ZSCAN1: variants seen among roughly 807,000 people sequenced by gnomAD.
The protein encoded by ZSCAN1 is zinc finger and SCAN domain containing 1.
A neutral mutation model predicts 23.8 loss-of-function variants in ZSCAN1; 23 were observed. The observed-to-expected ratio is 0.97, with a 90% CI of 0.70 to 1.37. ZSCAN1 has a LOEUF of 1.37. Among genes scored for constraint, ZSCAN1 ranks in the 40% most tolerant of loss-of-function variants. The probability of loss-of-function intolerance (pLI) is 0.00; values close to 1 mark genes in which losing one functional copy is unlikely to be tolerated. For missense variants in ZSCAN1, 575 were observed against 554.0 expected (o/e 1.04, Z -0.38); for synonymous variants, 236 against 232.3 (o/e 1.02, Z -0.15).
intron 4 of ZSCAN1, among the ~76,000 whole-genome samples, chr19:58,050,766 G>C (rs148315261): frequency 2.0e-5 from 3 of 152,028 alleles, no homozygotes; most frequent in Non-Finnish European, 2.9e-5. Context: ...TCATCCTCCC[G>C]CTTCTGCCTC....
chr19:58,036,148 G>A (rs159873), intron 2 of ZSCAN1, 137 bp downstream of exon 2: 102,244 of 152,054 alleles, frequency 0.67, 34,691 homozygotes, highest in Non-Finnish European at 0.71. Flanking sequence ...TCTACTCCCC[G>A]TGGTCATGTC....
chr19:58,050,906 C>A (rs894601592), intron 4 of ZSCAN1, among the ~76,000 whole-genome samples: 3 of 152,176 alleles, frequency 2.0e-5, no homozygotes, highest in Non-Finnish European at 2.9e-5. Context: ...CGCCTCCAAT[C>A]TCCCCACCTG....
chr19:58,034,685 C>A (rs1297204119), intron 1 of ZSCAN1, among the ~76,000 whole-genome samples: 2 of 137,828 alleles, frequency 1.5e-5, no homozygotes, highest in South Asian at 2.5e-4. Flanking sequence ...ACAAGCTCCC[C>A]CTCCCCGCCC....
Position 58,046,494 on chromosome 19 carries a change from G to A in ZSCAN1, c.465+5950G>A, listed in dbSNP as rs180675650. The A allele has an allele frequency of 1.6e-3, 1,445 of 894,852 alleles. 12 individuals carry two copies. Among genetic ancestry groups the A allele is most frequent in the Non-Finnish European group, 3.6e-4 (188 of 522,510 alleles). The allele number at this position is 894,852 out of a possible 1,614,324, so 55.4% of individuals were successfully genotyped here. A position where few individuals can be genotyped will look rare whatever the true frequency, so the allele number is the denominator to read the frequency against. On this transcript the variant is annotated intron_variant, in intron 4 of 5. Transcript: ENST00000282326. ...CCCCGGCCAAGGGCGTGCCCATGGG[G>A]GAGAACGTCATCAGTGTTGCCGAGC... is the stretch of plus-strand genomic sequence containing the variant.
chr19:58,046,964 C>T (rs759516785), intron 4 of ZSCAN1, among the ~76,000 whole-genome samples: 3 of 152,236 alleles, frequency 2.0e-5, no homozygotes, highest in Non-Finnish European at 4.4e-5. Flanking sequence ...AATCCCTCCA[C>T]AGAATCCTGT....
chr19:58,051,998 G>C (rs368909418), intron 4 of ZSCAN1, among the ~76,000 whole-genome samples: 1 of 152,346 alleles, frequency 6.6e-6, no homozygotes, highest in East Asian at 1.9e-4. Context: ...GGTGGGATGT[G>C]AAGTCTGTGA....
chr19:58,044,254 A>T (rs950718911), intron 4 of ZSCAN1, among the ~76,000 whole-genome samples: 1 of 151,938 alleles, frequency 6.6e-6, no homozygotes, highest in East Asian at 2.0e-4. Flanking sequence ...CCCGAGCAAC[A>T]GGAGCGAAAC....
Position 58,046,227 on chromosome 19 carries a change from G to T in ZSCAN1, c.465+5683G>T, listed in dbSNP as rs966359446. 5.2e-6 allele frequency: 4 copies of T among 771,400 alleles called. No homozygotes were observed. The African/African-American group carries it at 6.8e-5, about 13-fold the overall frequency. The allele number at this position is 771,400 out of a possible 1,614,324, so 47.8% of individuals were successfully genotyped here. ...TCCTCAGCAATGCCTGCTCTAAGCT[G>T]CAGGAACAGAAGAAGTCACTCACCA... On this transcript the variant is annotated intron_variant, in intron 4 of 5. Coordinates refer to ENST00000282326, the MANE Select transcript of ZSCAN1 (RefSeq NM_182572.4).
rs926143203 is a variant in ZSCAN1 at position 58,040,690 on chromosome 19, G to A, written c.465+146G>A. The A allele has an allele frequency of 2.7e-6, 2 of 732,700 alleles. No homozygotes were observed. The highest frequency in any genetic ancestry group is 3.9e-4 in the Middle Eastern group (1 of 2,540). The allele number at this position is 732,700 out of a possible 1,614,324, so 45.4% of individuals were successfully genotyped here. ...AGCCCGGCCTCCAAACTCCCCGCCT[G>A]CCCCACAGATTCCCCAAGCTTCCTG... On this transcript the variant is annotated intron_variant, in intron 4 of 5. Transcript: ENST00000282326. The surrounding 1 kb of genome is among the most constrained non-coding windows in gnomAD (Gnocchi z 5.8).
chr19:58,042,637 G>T (rs2073798016), intron 4 of ZSCAN1, among the ~76,000 whole-genome samples: 1 of 152,176 alleles, frequency 6.6e-6, no homozygotes, highest in Non-Finnish European at 1.5e-5. Flanking sequence ...ATCTAACGGA[G>T]GCATCTAACC....
At chr19:58,043,577 C>CCA (rs1568603563) in intron 4 of ZSCAN1, among the ~76,000 whole-genome samples, 4 of 152,250 alleles carry the variant, frequency 2.6e-5, no homozygotes, top group African/African-American at 9.6e-5. Context: ...AAACATGGTG[C>CCA]ACTTAGGCTA....
chr19:58,034,621 C>T (rs958302763), intron 1 of ZSCAN1, among the ~76,000 whole-genome samples: 25 of 150,480 alleles, frequency 1.7e-4, no homozygotes, highest in East Asian at 1.0e-3. Flanking sequence ...CCCTACCCGG[C>T]CCCTTGGGCC....
downstream of ZSCAN1, among the ~76,000 whole-genome samples, chr19:58,054,852 T>TC (rs565779438): frequency 6.7e-6 from 1 of 150,088 alleles, no homozygotes; most frequent in African/African-American, 2.5e-5. This position sits in a 1 kb window ranked among gnomAD's most constrained non-coding sequence, Gnocchi z 4.2. Context: ...ACAGAAGGAT[T>TC]TTTTTTTTAG....
chr19:58,038,149 A>G lies in ZSCAN1; in HGVS notation c.313A>G (p.Ser105Gly), dbSNP rs2073753985. ...CTGGGTGCAGTCACAGGGCCCCCGAAGCTGCAGGGAGGCCGCCAGCCTGGT... is the reference window on the plus strand; with the variant it reads ...CTGGGTGCAGTCACAGGGCCCCCGAGGCTGCAGGGAGGCCGCCAGCCTGGT... ...RTWVQSQGPR[S>G]CREAASLVED... Residue 105 changes from serine to glycine, a missense_variant, in exon 3 of 6, where the codon AGC (serine) becomes GGC (glycine). Ser to Gly is a moderately conservative substitution (Grantham distance 56). Transcript: ENST00000282326. 2 of 1,609,216 alleles carry G rather than the reference A, an allele frequency of 1.2e-6. No homozygotes were observed. The highest frequency in any genetic ancestry group is 2.7e-5 in the African/African-American group (2 of 74,966).
Position 58,045,479 on chromosome 19 carries a change from GC to G in ZSCAN1, c.465+4938del, listed in dbSNP as rs1402017333. 12 of 1,305,542 alleles carry G rather than the reference GC, an allele frequency of 9.2e-6. No individual in the cohort carries two copies. Among genetic ancestry groups the G allele is most frequent in the Non-Finnish European group, 1.3e-5 (12 of 898,360 alleles). The allele number at this position is 1,305,542 out of a possible 1,614,324, so 80.9% of individuals were successfully genotyped here. Reference sequence around the variant, plus strand: ...AGAAGATCCGGGAGACGGGGGAGAGGCCCAGCAATGAGGAAATCATGGGTTT... The same window carrying G: ...AGAAGATCCGGGAGACGGGGGAGAGGCCAGCAATGAGGAAATCATGGGTTT... On this transcript the variant is annotated intron_variant, in intron 4 of 5. Transcript: ENST00000282326. This position sits in a 1 kb window ranked among gnomAD's most constrained non-coding sequence, Gnocchi z 4.3.
intron 4 of ZSCAN1, chr19:58,046,731 G>T: frequency 1.3e-6 from 1 of 784,952 alleles, no homozygotes; most frequent in South Asian, 1.4e-5. Flanking sequence ...GGTGGAGAAG[G>T]AGAAGGTGGA....
Position 58,053,927 on chromosome 19 carries a change from A to C in ZSCAN1, c.1103A>C (p.Gln368Pro), listed in dbSNP as rs1163940669. The C allele has an allele frequency of 3.1e-6, 5 of 1,612,870 alleles. No individual in the cohort carries two copies. The highest frequency in any genetic ancestry group is 4.2e-6 in the Non-Finnish European group (5 of 1,179,264). ...RESVPPRDGAQGPVAPRSPKR... is the reference protein window; with the variant it reads ...RESVPPRDGAPGPVAPRSPKR... Reference sequence around the variant, plus strand: ...TCCGTCCCACCCAGGGATGGAGCCCAGGGCCCAGTGGCCCCTCGCAGCCCC... The same window carrying C: ...TCCGTCCCACCCAGGGATGGAGCCCCGGGCCCAGTGGCCCCTCGCAGCCCC... The change falls in exon 6 of 6, where the codon CAG becomes CCG. Residue 368 changes from glutamine to proline, a missense_variant. By Grantham distance (76) the Gln-to-Pro change is moderately conservative (BLOSUM62 -1). Coordinates refer to ENST00000282326, the MANE Select transcript of ZSCAN1 (RefSeq NM_182572.4). The surrounding 1 kb of genome is among the most constrained non-coding windows in gnomAD (Gnocchi z 5.8).
chr19:58,052,011 T>C (rs1290427718), intron 4 of ZSCAN1, among the ~76,000 whole-genome samples: 1 of 152,234 alleles, frequency 6.6e-6, no homozygotes, highest in African/African-American at 2.4e-5. Context: ...GTCTGTGAAG[T>C]CGCCCACTTC....
intron 4 of ZSCAN1, among the ~76,000 whole-genome samples, chr19:58,051,282 C>T (rs893413524): frequency 8.0e-5 from 11 of 137,974 alleles, no homozygotes; most frequent in Admixed American, 2.8e-4. Context: ...AAGGGAGTCC[C>T]GCCTTTACTC....
Sources: allele counts gnomAD v4.1 joint callset (sites outside exome capture counted in the v4.1 genomes callset), GRCh38; gene constraint gnomAD v4.1.1; non-coding constraint Gnocchi (gnomAD v3.1); transcripts MANE v1.5; gene names NCBI Gene and HGNC (gene_info 2026-07-23, HGNC 2026-07-21).